The following DDX4 variants were observed in gnomAD, a reference collection of about 807,000 sequenced individuals.
The protein encoded by DDX4 is probable ATP-dependent RNA helicase DDX4.
DDX4 carries 25 observed loss-of-function variants against 100.0 expected under a neutral mutation model. The ratio of observed to expected loss-of-function variants is 0.25; its 90% CI spans 0.18 to 0.35. DDX4 has a LOEUF of 0.35. Among genes scored for constraint, DDX4 ranks in the 10% least tolerant of loss-of-function variants. The pLI is 1.00. For missense variants in DDX4, 635 were observed against 882.4 expected (o/e 0.72, Z 3.55); for synonymous variants, 259 against 275.7 (o/e 0.94, Z 0.60).
intron 4 of DDX4, among the ~76,000 whole-genome samples, chr5:55,762,182 C>T (rs1488354190): frequency 6.6e-6 from 1 of 152,098 alleles, no homozygotes; most frequent in East Asian, 1.9e-4. Context: ...GTAAGTAAGA[C>T]AGTATATAGG....
chr5:55,766,069 G>A (rs1471196862), intron 6 of DDX4, among the ~76,000 whole-genome samples: 2 of 150,494 alleles, frequency 1.3e-5, no homozygotes, highest in African/African-American at 4.9e-5. Flanking sequence ...TGCCTGCCTC[G>A]GCCTCCCACA....
intron 19 of DDX4, 101 bp from the exon 20 acceptor site, chr5:55,814,800 A>G (rs944020325): frequency 1.5e-6 from 2 of 1,329,188 alleles, no homozygotes; most frequent in African/African-American, 1.5e-5. Context: ...AAATGCTGCT[A>G]TTCATACTAT....
intron 12 of DDX4, 115 bp from the exon 13 acceptor site, chr5:55,785,614 G>T: frequency 1.6e-6 from 2 of 1,256,916 alleles, no homozygotes; most frequent in Non-Finnish European, 2.2e-6. Context: ...TTAAAGGTAA[G>T]CAGTGGGAAG....
At chr5:55,802,452 T>C (rs559008988) in intron 18 of DDX4, among the ~76,000 whole-genome samples, 1 of 151,378 alleles carries the variant, frequency 6.6e-6, no homozygotes, top group South Asian at 2.1e-4. Flanking sequence ...CAGAGAGATA[T>C]TCTCCATAAG....
chr5:55,779,853 CA>C, intron 7 of DDX4, 110 bp from the exon 8 acceptor site: 1 of 1,422,560 alleles, frequency 7.0e-7, no homozygotes, highest in East Asian at 2.4e-5. Context: ...TGCCTTTAAA[CA>C]CTTGTTTAAA....
chr5:55,777,145 T>A (rs552183880), intron 7 of DDX4, among the ~76,000 whole-genome samples: 164 of 152,096 alleles, frequency 1.1e-3, no homozygotes, highest in African/African-American at 3.5e-3. Context: ...GTGGTGAAAA[T>A]TGGTAAAAAT....
rs368075954 is a variant in DDX4 at position 55,768,882 on chromosome 5, A to G, written c.394+942A>G. ...ATTTGCATTTCTCTAACGATTAGTG[A>G]TGCTGAGCATTTTTTCATCTGCCTG... On this transcript the variant is annotated intron_variant, in intron 7 of 21. Transcript: ENST00000505374. Among the ~76,000 whole-genome samples, 37 of 152,326 alleles carry G rather than the reference A, an allele frequency of 2.4e-4. 1 individual carries two copies. The East Asian group carries it at 3.9e-3, about 16-fold the overall frequency.
At chr5:55,782,903 C>T (rs1179869651) in intron 10 of DDX4, among the ~76,000 whole-genome samples, 1 of 150,110 alleles carries the variant, frequency 6.7e-6, no homozygotes, top group Non-Finnish European at 1.5e-5. Flanking sequence ...TCAAGCCATT[C>T]TCCTGCCTCA....
At chr5:55,816,194 G>GT (rs1561522571) in intron 21 of DDX4, among the ~76,000 whole-genome samples, 2 of 152,118 alleles carry the variant, frequency 1.3e-5, no homozygotes, top group Non-Finnish European at 2.9e-5. Context: ...TTCATTGAGT[G>GT]TAGTGCATTA....
rs1404982665 is a variant in DDX4, at chr5:55,779,951, T to G, written c.395-13T>G. 1.3e-5 allele frequency: 21 copies of G among 1,610,978 alleles called. No homozygotes were observed. The highest frequency in any genetic ancestry group is 1.7e-5 in the Non-Finnish European group (20 of 1,178,810). On this transcript the variant is annotated splice_polypyrimidine_tract_variant and intron_variant, in intron 7 of 21. Transcript: ENST00000505374. ...TGTTTTGTGTTGTTCTTGTGTGTGT[T>G]TTAACATTATAGGCTATCGAGATGG...
intron 18 of DDX4, among the ~76,000 whole-genome samples, chr5:55,807,927 C>T (rs910056161): frequency 1.3e-5 from 2 of 152,172 alleles, no homozygotes; most frequent in African/African-American, 4.8e-5. Flanking sequence ...CAACTTTCTT[C>T]CATTCTCCCT....
intron 4 of DDX4, among the ~76,000 whole-genome samples, chr5:55,760,754 A>G (rs1019820873): frequency 6.6e-6 from 1 of 152,178 alleles, no homozygotes; most frequent in African/African-American, 2.4e-5. Flanking sequence ...TACTTTTAGA[A>G]CAACCACCTG....
chr5:55,756,263 A>G lies in DDX4; in HGVS notation c.128-3937A>G, dbSNP rs556161167. On this transcript the variant is annotated intron_variant, in intron 3 of 21. Coordinates refer to ENST00000505374, the MANE Select transcript of DDX4 (RefSeq NM_024415.3). ...TCACCTGGGAACTTGTTAGAAATGAAGAATCTCATACTGCACCCAGAACTA... is the reference window on the plus strand; with the variant it reads ...TCACCTGGGAACTTGTTAGAAATGAGGAATCTCATACTGCACCCAGAACTA... Among the ~76,000 whole-genome samples, 7 of 152,320 alleles carry G rather than the reference A, an allele frequency of 4.6e-5. No individual in the cohort carries two copies. In the South Asian group the frequency reaches 6.2e-4, roughly 14 times the overall value.
chr5:55,816,668 C>CCTG lies in DDX4; in HGVS notation c.*128_*129insCTG. 1 of 1,428,646 alleles carries CCTG rather than the reference C, an allele frequency of 7.0e-7. No homozygotes were observed. The highest frequency in any genetic ancestry group is 9.2e-7 in the Non-Finnish European group (1 of 1,082,942). 88.5% of individuals were successfully genotyped at this position (1,428,646 alleles called of 1,614,324 possible). A position where few individuals can be genotyped will look rare whatever the true frequency, so the allele number is the denominator to read the frequency against. The stretch of plus-strand genomic sequence containing the variant: ...CTGTCCTTGTATTCTCACTCCTACA[C>CCTG]TTAAAAAAAAAATCCTTACTGACTA... On this transcript the variant is annotated 3_prime_UTR_variant, in exon 22 of 22. Coordinates refer to ENST00000505374, the MANE Select transcript of DDX4 (RefSeq NM_024415.3).
At chr5:55,740,893 G>A (rs760846674) in intron 2 of DDX4, among the ~76,000 whole-genome samples, 6 of 152,050 alleles carry the variant, frequency 3.9e-5, no homozygotes, top group Non-Finnish European at 7.4e-5. Context: ...ACTTTTGTGG[G>A]AATTTCAGTG....
At chr5:55,778,811 T>C (rs1741725575) in intron 7 of DDX4, among the ~76,000 whole-genome samples, 1 of 152,170 alleles carries the variant, frequency 6.6e-6, no homozygotes, top group African/African-American at 2.4e-5. Flanking sequence ...GGAGAATCGC[T>C]TGGACTCTGG....
At chr5:55,791,436 A>G (rs1386033286) in intron 16 of DDX4, among the ~76,000 whole-genome samples, 2 of 152,176 alleles carry the variant, frequency 1.3e-5, no homozygotes, top group Admixed American at 6.5e-5. Flanking sequence ...CTTGCTAAAC[A>G]TCTTCATAGT....
intron 17 of DDX4, 120 bp downstream of exon 17, chr5:55,792,927 T>G: frequency 5.4e-6 from 3 of 553,422 alleles, no homozygotes; most frequent in Non-Finnish European, 7.6e-6. Flanking sequence ...TATAGGTAGT[T>G]TAAAAAGTAG....
chr5:55,786,477 G>A (rs1304008764), intron 13 of DDX4, 41 bp from the exon 14 acceptor site: 1 of 1,497,202 alleles, frequency 6.7e-7, no homozygotes, highest in East Asian at 2.3e-5. Context: ...ATCTGCATAT[G>A]ATATATAGAA....
Sources: gnomAD v4.1 joint callset for allele counts (sites outside exome capture counted in the v4.1 genomes callset) on GRCh38, gnomAD v4.1.1 for gene constraint, MANE v1.5 for transcripts, NCBI Gene and HGNC (gene_info 2026-07-23, HGNC 2026-07-21) for gene names.